Variants in LRRC31 observed in about 807,000 individuals in gnomAD.
The protein encoded by LRRC31 is leucine rich repeat containing 31, also known as leucine-rich repeat-containing protein 31.
Under a neutral mutation model 46.7 loss-of-function variants are expected in LRRC31, and 35 were observed. The observed-to-expected ratio is 0.75, with a 90% confidence interval of 0.57 to 0.99. The LOEUF is 0.99. Among genes scored for constraint, LRRC31 ranks in the 50% least tolerant of loss-of-function variants. The pLI is 0.00. For missense variants in LRRC31, 613 were observed against 626.1 expected (o/e 0.98, Z 0.22); for synonymous variants, 236 against 235.1 (o/e 1.00, Z -0.03).
intron 8 of LRRC31, among the ~76,000 whole-genome samples, chr3:169,847,080 A>C (rs916595109): frequency 2.0e-5 from 3 of 152,168 alleles, no homozygotes; most frequent in Admixed American, 2.0e-4. Context: ...CCGGCTGAAT[A>C]GTGATTGGAG....
At chr3:169,862,176 C>T (rs1467617291) in intron 1 of LRRC31, among the ~76,000 whole-genome samples, 1 of 152,140 alleles carries the variant, frequency 6.6e-6, no homozygotes, top group Non-Finnish European at 1.5e-5. Flanking sequence ...GATGCAACTG[C>T]TAGGGAGGAA....
At chr3:169,853,847 A>C (rs1780862504) in intron 6 of LRRC31, 1 of 331,058 alleles carries the variant, frequency 3.0e-6, no homozygotes, top group Non-Finnish European at 4.3e-6. Flanking sequence ...TTTTATTCTC[A>C]TTGTACACTC....
In LRRC31 at chr3:169,851,619, C is replaced by G; in HGVS notation, c.1159G>C (p.Ala387Pro). The change falls in exon 7 of 9, where the codon GCT becomes CCT. Residue 387 changes from alanine (A) to proline (P), a missense_variant and splice_region_variant. Physicochemically the swap from Ala to Pro is conservative, Grantham distance 27 (BLOSUM62 -1). Transcript: ENST00000316428. ...TGCAGGGATCTGGGAAATCTCTTAC[C>G]AAGAGCTGTAAAAGTCTCACTCTCC... Reference protein sequence around the residue: ...ALESETFTALAEASVHLSALE... With the variant: ...ALESETFTALPEASVHLSALE... 3.7e-6 allele frequency: 6 copies of G among 1,612,664 alleles called. No individual in the cohort carries two copies. Among genetic ancestry groups the G allele is most frequent in the Non-Finnish European group, 5.1e-6 (6 of 1,179,506 alleles).
intron 3 of LRRC31, among the ~76,000 whole-genome samples, chr3:169,857,961 T>C (rs543354109): frequency 2.0e-5 from 3 of 152,266 alleles, no homozygotes; most frequent in East Asian, 3.9e-4. Context: ...CCCTGAGGTG[T>C]TCCCCAGGCT....
chr3:169,869,662 C>T lies in LRRC31; in HGVS notation c.146G>A (p.Trp49Ter). 1 of 1,609,322 alleles carries T rather than the reference C, an allele frequency of 6.2e-7. No homozygotes were observed. Among genetic ancestry groups the T allele is most frequent in the Non-Finnish European group, 8.5e-7 (1 of 1,178,316 alleles). Residue 49 changes from tryptophan (W) to a stop codon, truncating the protein, a stop_gained, in exon 1 of 9, where the codon TGG (tryptophan) becomes TAG (stop). Transcript: ENST00000316428. LOFTEE classifies it high-confidence loss of function. Reference sequence around the variant, plus strand: ...CTCTGAGGTGGCTGTCTTCTGTATCCAGTCGCTGGGTTGGGAATCACTTGT... The same window carrying T: ...CTCTGAGGTGGCTGTCTTCTGTATCTAGTCGCTGGGTTGGGAATCACTTGT... ...LKTSDSQPSD[W>*]IQKTATSETA...
chr3:169,851,882 A>T, intron 6 of LRRC31, 96 bp from the exon 7 acceptor site: 1 of 1,256,326 alleles, frequency 8.0e-7, no homozygotes, highest in South Asian at 1.3e-5. Context: ...CTGTCAGTCA[A>T]TACAGCTCTC....
At chr3:169,857,602 G>T (rs1227355276) in intron 3 of LRRC31, among the ~76,000 whole-genome samples, 1 of 151,354 alleles carries the variant, frequency 6.6e-6, no homozygotes, top group Admixed American at 6.6e-5. Context: ...AAGCTCCCAG[G>T]GCTGCAGAGT....
At chr3:169,865,180 G>T (rs1273926343) in intron 1 of LRRC31, among the ~76,000 whole-genome samples, 1 of 151,904 alleles carries the variant, frequency 6.6e-6, no homozygotes, top group African/African-American at 2.4e-5. Flanking sequence ...GAACCCGGGA[G>T]GTGGAGTTGC....
intron 1 of LRRC31, among the ~76,000 whole-genome samples, chr3:169,864,556 C>G (rs1781272407): frequency 6.6e-6 from 1 of 152,182 alleles, no homozygotes; most frequent in Non-Finnish European, 1.5e-5. Context: ...ACTGGAACCT[C>G]CTATGCACAT....
chr3:169,841,210 A>G (rs13434268), intron 8 of LRRC31, among the ~76,000 whole-genome samples: 3,775 of 152,282 alleles, frequency 0.025, 83 homozygotes, highest in African/African-American at 0.057. Context: ...CAGGGCCCCA[A>G]TCTATCTTCT....
At chr3:169,862,830 T>A (rs1403055393) in intron 1 of LRRC31, among the ~76,000 whole-genome samples, 4 of 152,086 alleles carry the variant, frequency 2.6e-5, no homozygotes, top group Non-Finnish European at 5.9e-5. Context: ...TGAGCACCTG[T>A]TATGTACTCG....
intron 7 of LRRC31, among the ~76,000 whole-genome samples, chr3:169,851,008 TAGGCTGGGGTATATCTGTGACCTTA>T (rs1328647087): frequency 2.0e-5 from 3 of 152,098 alleles, no homozygotes; most frequent in Non-Finnish European, 4.4e-5. Context: ...GTTCCTGATG[TAGGCTGGGGTATATCTGTGACCTTA>T]AGGCATACCC....
chr3:169,861,963 G>C lies in LRRC31; in HGVS notation c.176-150C>G, dbSNP rs565149615. 1.1e-4 allele frequency: 94 copies of C among 818,876 alleles called. 2 individuals are homozygous for C. In the South Asian group the frequency reaches 1.7e-3, roughly 15 times the overall value. 50.7% of individuals were successfully genotyped at this position (818,876 alleles called of 1,614,324 possible). A position where few individuals can be genotyped will look rare whatever the true frequency, so the allele number is the denominator to read the frequency against. On this transcript the variant is annotated intron_variant, in intron 1 of 8. Coordinates refer to ENST00000316428, the MANE Select transcript of LRRC31 (RefSeq NM_024727.4). The stretch of plus-strand genomic sequence containing the variant: ...CTCAGAGGCAGAGCCATTTACTAGG[G>C]ACAAAGCTTAACTAACCACTGTTCC...
At chr3:169,843,796 G>A (rs1181595719) in intron 8 of LRRC31, among the ~76,000 whole-genome samples, 2 of 152,140 alleles carry the variant, frequency 1.3e-5, no homozygotes, top group African/African-American at 2.4e-5. Flanking sequence ...ACTATGGGCA[G>A]TAAAAGGATA....
rs748577734 is a variant in LRRC31, at chr3:169,840,016, C to CT, written c.1624dup (p.Arg542LysfsTer6). 5 of 1,613,312 alleles carry CT rather than the reference C, an allele frequency of 3.1e-6. No individual in the cohort carries two copies. The highest frequency in any genetic ancestry group is 2.2e-5 in the East Asian group (1 of 44,884). ...CCCACCATGGTCAAAGTGAATGCTT[C>CT]TTTTTTTATCTTGGTCAAAGCATTC... On this transcript the variant is annotated frameshift_variant, in exon 9 of 9. Transcript: ENST00000316428. LOFTEE classifies it high-confidence loss of function.
rs958801069 is a variant in LRRC31 at position 169,839,551 on chromosome 3, T to A, written c.*431A>T. The A allele has an allele frequency of 6.6e-6, 1 of 152,014 alleles. No homozygotes were observed. The highest frequency in any genetic ancestry group is 2.4e-5 in the African/African-American group (1 of 41,412). The allele number at this position is 152,014 out of a possible 1,614,324, so 9.4% of individuals were successfully genotyped here. On this transcript the variant is annotated 3_prime_UTR_variant, in exon 9 of 9. Coordinates refer to ENST00000316428, the MANE Select transcript of LRRC31 (RefSeq NM_024727.4). ...ACACACACACACACATACCCCTTTATATTTAGAACATTTAACTTGTAGGAA... is the reference window on the plus strand; with the variant it reads ...ACACACACACACACATACCCCTTTAAATTTAGAACATTTAACTTGTAGGAA...
At position 169,860,443 on chromosome 3, in the gene LRRC31, T is replaced by C. The variant is rs1419408598; in HGVS notation, c.487+118A>G. On this transcript the variant is annotated intron_variant, in intron 3 of 8. Coordinates refer to ENST00000316428, the MANE Select transcript of LRRC31 (RefSeq NM_024727.4). ...GGGTTTCACCATGTTGCCCAGGCTG[T>C]TCTCGAACTCCTGAGCTCAGGCAAT... 4.8e-6 allele frequency: 5 copies of C among 1,032,556 alleles called. No homozygotes were observed. In the African/African-American group the frequency reaches 7.9e-5, roughly 16 times the overall value. 64.0% of individuals were successfully genotyped at this position (1,032,556 alleles called of 1,614,324 possible).
At position 169,854,917 on chromosome 3, in the gene LRRC31, C is replaced by T; in HGVS notation, c.887G>A (p.Gly296Asp). Residue 296 changes from glycine to aspartate, a missense_variant, in exon 6 of 9, where the codon GGT becomes GAT. Coordinates refer to ENST00000316428, the MANE Select transcript of LRRC31 (RefSeq NM_024727.4). ...KLDLSCNKDL[G>D]GGFEDSPAQL... ...AGCCGGCGAGTCTTCAAAACCTCCA[C>T]CTAGATCCTTATTGCAGGAAAGATC... 3 of 1,613,528 alleles carry T rather than the reference C, an allele frequency of 1.9e-6. No individual in the cohort carries two copies. Among genetic ancestry groups the T allele is most frequent in the Non-Finnish European group, 2.5e-6 (3 of 1,179,940 alleles).
At chr3:169,854,756 T>G in intron 6 of LRRC31, 57 bp downstream of exon 6, 1 of 1,408,292 alleles carries the variant, frequency 7.1e-7, no homozygotes. Context: ...TTTCCAAGTT[T>G]CCAAATATAG....
Sources: gnomAD v4.1 joint callset for allele counts (sites outside exome capture counted in the v4.1 genomes callset) on GRCh38, gnomAD v4.1.1 for gene constraint, MANE v1.5 for transcripts, NCBI Gene and HGNC (gene_info 2026-07-23, HGNC 2026-07-21) for gene names.